PCDHGB7: variants seen among roughly 807,000 people sequenced by gnomAD.
PCDHGB7 encodes the protein protocadherin gamma subfamily B, 7, also known as protocadherin gamma-B7.
A neutral mutation model predicts 61.4 loss-of-function variants in PCDHGB7; 37 were observed. The ratio of observed to expected loss-of-function variants is 0.60; its 90% CI spans 0.46 to 0.79. The LOEUF is 0.79. Ranked by LOEUF, PCDHGB7 falls within the 30% of genes least tolerant of loss-of-function variation. PCDHGB7 has a pLI of 0.00. For synonymous variants in PCDHGB7, 464 were observed against 503.5 expected (o/e 0.92, Z 1.05); for missense variants, 1,166 against 1,202.5 (o/e 0.97, Z 0.45).
rs2099404773 is a variant in PCDHGB7 at position 141,477,081 on chromosome 5, T to C, written c.2416-17726T>C. ...GACACCAAACTCCATGAGATTTACA[T>C]CCAGGCCAAAGACAAGGGCGCCAAT... On this transcript the variant is annotated intron_variant, in intron 1 of 3. Transcript: ENST00000398594. The surrounding 1 kb of genome is among the most constrained non-coding windows in gnomAD (Gnocchi z 4.9). 6.2e-7 allele frequency: 1 copy of C among 1,614,104 alleles called. No individual in the cohort carries two copies. Among genetic ancestry groups the C allele is most frequent in the Non-Finnish European group, 8.5e-7 (1 of 1,180,052 alleles).
intron 1 of PCDHGB7, chr5:141,422,082 G>A (rs2096622921): frequency 6.2e-7 from 1 of 1,612,284 alleles, no homozygotes; most frequent in East Asian, 2.2e-5. Context: ...TTCGGAACAT[G>A]GAAAGCAAGG....
intron 1 of PCDHGB7, among the ~76,000 whole-genome samples, chr5:141,449,131 G>A (rs530494400): frequency 7.9e-5 from 12 of 152,220 alleles, no homozygotes; most frequent in Non-Finnish European, 1.3e-4. Flanking sequence ...CCCAGAAATG[G>A]AATTGAAATT....
chr5:141,418,637 T>C lies in PCDHGB7; in HGVS notation c.778T>C (p.Ser260Pro). Residue 260 changes from serine to proline, a missense_variant, in exon 1 of 4, where the codon TCC (serine) becomes CCC (proline). Physicochemically the swap from Ser to Pro is moderately conservative, Grantham distance 74. Transcript: ENST00000398594. ...TCGGGAAGACGTGCCTCCAGGCACC[T>C]CCATCCTGAGAGTGAAGGCCACTGA... ...SLREDVPPGTSILRVKATDQD... is the reference protein window; with the variant it reads ...SLREDVPPGTPILRVKATDQD... The C allele has an allele frequency of 6.2e-7, 1 of 1,613,998 alleles. No homozygotes were observed. The highest frequency in any genetic ancestry group is 8.5e-7 in the Non-Finnish European group (1 of 1,179,886).
Position 141,486,989 on chromosome 5 carries a change from G to A in PCDHGB7, c.2416-7818G>A. 1.9e-6 allele frequency: 3 copies of A among 1,614,168 alleles called. No individual in the cohort carries two copies. Among genetic ancestry groups the A allele is most frequent in the Non-Finnish European group, 2.5e-6 (3 of 1,180,034 alleles). On this transcript the variant is annotated intron_variant, in intron 1 of 3. Transcript: ENST00000398594. This position sits in a 1 kb window ranked among gnomAD's most constrained non-coding sequence, Gnocchi z 5.0. ...CTTGGATTCAGGTTACAATGCTTGG[G>A]TTTCCTATCAGCTCCTGGAGGCCCC...
At chr5:141,420,747 A>T (rs2096522944) in intron 1 of PCDHGB7, among the ~76,000 whole-genome samples, 1 of 152,220 alleles carries the variant, frequency 6.6e-6, no homozygotes, top group South Asian at 2.1e-4. Flanking sequence ...ATTGGAACCA[A>T]CTACAACCTA....
intron 1 of PCDHGB7, chr5:141,478,242 T>C (rs750487479): frequency 6.2e-7 from 1 of 1,614,156 alleles, no homozygotes; most frequent in Admixed American, 1.7e-5. Context: ...GTGGTCACAG[T>C]GTTCGGAGTA....
chr5:141,423,159 G>A lies in PCDHGB7; in HGVS notation c.2415+2885G>A, dbSNP rs750186629. On this transcript the variant is annotated intron_variant, in intron 1 of 3. Transcript: ENST00000398594. Reference sequence around the variant, plus strand: ...GAGACGCGCTCAAGCAGAGCCTCGTGGTGGCCGTCCAGGACCACGGCCAGC... The same window carrying A: ...GAGACGCGCTCAAGCAGAGCCTCGTAGTGGCCGTCCAGGACCACGGCCAGC... The A allele has an allele frequency of 1.9e-5, 31 of 1,610,746 alleles. 1 individual carries two copies. The highest frequency in any genetic ancestry group is 3.3e-4 in the Middle Eastern group (2 of 6,080).
intron 1 of PCDHGB7, chr5:141,426,875 C>T (rs1005769074): frequency 8.8e-6 from 4 of 456,566 alleles, no homozygotes; most frequent in African/African-American, 4.0e-5. Context: ...TGGAGAAGCC[C>T]CTGGGCCAGG....
At chr5:141,439,412 T>G (rs2098111019) in intron 1 of PCDHGB7, among the ~76,000 whole-genome samples, 1 of 152,194 alleles carries the variant, frequency 6.6e-6, no homozygotes, top group Admixed American at 6.5e-5. Flanking sequence ...CTAACATCAC[T>G]GAGGTTATAA....
At chr5:141,450,006 C>CTTTTTTT (rs1554136305) in intron 1 of PCDHGB7, among the ~76,000 whole-genome samples, 1 of 132,982 alleles carries the variant, frequency 7.5e-6, no homozygotes, top group Admixed American at 7.8e-5. Context: ...TGCCATGTCT[C>CTTTTTTT]TTTTTTTTTT....
intron 1 of PCDHGB7, chr5:141,421,090 G>C (rs552694052): frequency 1.5e-6 from 1 of 661,192 alleles, no homozygotes; most frequent in Admixed American, 3.2e-5. Context: ...CACAGATCCT[G>C]ACACTGGAGA....
Position 141,422,964 on chromosome 5 carries a change from G to C in PCDHGB7, c.2415+2690G>C, listed in dbSNP as rs375881737. 1.0e-4 allele frequency: 161 copies of C among 1,614,190 alleles called. No individual in the cohort carries two copies. In the African/African-American group the frequency reaches 1.9e-3, roughly 20 times the overall value. ...ACGGCTCCACTGGCGTGGAGCTGGC[G>C]CCCCGCTCTGCGGAACCTGGCTACC... On this transcript the variant is annotated intron_variant, in intron 1 of 3. Coordinates refer to ENST00000398594, the MANE Select transcript of PCDHGB7 (RefSeq NM_018927.4).
rs777314784 is a variant in PCDHGB7, at chr5:141,432,669, C to A, written c.2415+12395C>A. On this transcript the variant is annotated intron_variant, in intron 1 of 3. Transcript: ENST00000398594. The surrounding 1 kb of genome is among the most constrained non-coding windows in gnomAD (Gnocchi z 6.0). ...GCGCGAGCCCTGCTGGACAGAGACG[C>A]GCTCAAGCAGAGCCTCGTAGTGGCC... 1 of 1,613,894 alleles carries A rather than the reference C, an allele frequency of 6.2e-7. No homozygotes were observed. Among genetic ancestry groups the A allele is most frequent in the Non-Finnish European group, 8.5e-7 (1 of 1,179,950 alleles).
chr5:141,421,895 G>A, intron 1 of PCDHGB7: 1 of 1,613,730 alleles, frequency 6.2e-7, no homozygotes, highest in African/African-American at 1.3e-5. Flanking sequence ...GATCCCATCC[G>A]AAAGGGCGCA....
At position 141,477,386 on chromosome 5, in the gene PCDHGB7, A is replaced by C; in HGVS notation, c.2416-17421A>C. 1 of 1,614,116 alleles carries C rather than the reference A, an allele frequency of 6.2e-7. No homozygotes were observed. Among genetic ancestry groups the C allele is most frequent in the South Asian group, 1.1e-5 (1 of 91,080 alleles). On this transcript the variant is annotated intron_variant, in intron 1 of 3. Coordinates refer to ENST00000398594, the MANE Select transcript of PCDHGB7 (RefSeq NM_018927.4). The surrounding 1 kb of genome is among the most constrained non-coding windows in gnomAD (Gnocchi z 4.9). ...GGATCGGGAGACTGTGCCAGAATAC[A>C]ACCTCAGCATCACCGCCCGAGACGC...
At chr5:141,458,519 T>C (rs974750749) in intron 1 of PCDHGB7, among the ~76,000 whole-genome samples, 1 of 152,110 alleles carries the variant, frequency 6.6e-6, no homozygotes, top group Non-Finnish European at 1.5e-5. Context: ...CTTTGTTTTT[T>C]TTTTTAACTT....
intron 2 of PCDHGB7, 54 bp from the exon 3 acceptor site, chr5:141,505,339 G>A: frequency 1.2e-6 from 2 of 1,612,236 alleles, no homozygotes; most frequent in Middle Eastern, 3.4e-4. Flanking sequence ...GACAGGAGGG[G>A]CATGAGCTGT....
chr5:141,447,709 T>C (rs896203283), intron 1 of PCDHGB7, among the ~76,000 whole-genome samples: 1 of 152,210 alleles, frequency 6.6e-6, no homozygotes, highest in East Asian at 1.9e-4. Context: ...TATAAGGATG[T>C]ACACATTTTC....
chr5:141,452,914 TAAGA>T (rs1164409830), intron 1 of PCDHGB7, among the ~76,000 whole-genome samples: 1 of 152,226 alleles, frequency 6.6e-6, no homozygotes, highest in African/African-American at 2.4e-5. Flanking sequence ...CATTATACAG[TAAGA>T]AAGAGCTGCT....
Sources: allele counts gnomAD v4.1 joint callset (sites outside exome capture counted in the v4.1 genomes callset), GRCh38; gene constraint gnomAD v4.1.1; non-coding constraint Gnocchi (gnomAD v3.1); transcripts MANE v1.5; gene names NCBI Gene and HGNC (gene_info 2026-07-23, HGNC 2026-07-21).